Variants in DNA2 observed in about 807,000 individuals in gnomAD.
DNA2 encodes the protein DNA replication ATP-dependent helicase/nuclease DNA2.
DNA2 carries 101 observed loss-of-function variants against 119.1 expected under a neutral mutation model. That is an observed-to-expected ratio of 0.85 (90% CI 0.72 to 1.00). The LOEUF (loss-of-function observed/expected upper bound fraction) is 1.00, where lower values mean the gene tolerates loss of function less well. Among genes scored for constraint, DNA2 ranks in the 50% least tolerant of loss-of-function variants. The pLI is 0.00. For synonymous variants in DNA2, 366 were observed against 424.4 expected (o/e 0.86, Z 1.69); for missense variants, 1,121 against 1,255.5 (o/e 0.89, Z 1.62).
At chr10:68,415,145 G>T in intron 20 of DNA2, 38 bp from the exon 21 acceptor site, 1 of 1,258,812 alleles carries the variant, frequency 7.9e-7, no homozygotes, top group Non-Finnish European at 1.1e-6. Context: ...AGCACAATAT[G>T]GAATGGCATA....
chr10:68,420,260 C>T (rs1050989519), intron 17 of DNA2, among the ~76,000 whole-genome samples: 5 of 152,306 alleles, frequency 3.3e-5, no homozygotes, highest in South Asian at 4.1e-4. Context: ...TTAGGGTGGC[C>T]GGGCGCGGTG....
intron 14 of DNA2, chr10:68,424,693 G>A (rs2051713099): frequency 1.9e-6 from 3 of 1,605,916 alleles, no homozygotes; most frequent in South Asian, 1.1e-5. Context: ...TACAATGTCC[G>A]CTCCACACCC....
At chr10:68,455,248 A>T (rs922267808) in intron 5 of DNA2, among the ~76,000 whole-genome samples, 1 of 152,038 alleles carries the variant, frequency 6.6e-6, no homozygotes, top group Non-Finnish European at 1.5e-5. Flanking sequence ...GATAAAATTA[A>T]CTTTCTTAGT....
Position 68,450,232 on chromosome 10 carries a change from A to C in DNA2, c.735T>G (p.Ser245Arg), listed in dbSNP as rs2052101055. The C allele has an allele frequency of 6.4e-7, 1 of 1,573,248 alleles. No homozygotes were observed. Among genetic ancestry groups the C allele is most frequent in the Admixed American group, 1.9e-5 (1 of 52,934 alleles). The change falls in exon 6 of 21, where the codon AGT becomes AGG. Residue 245 changes from serine to arginine, a missense_variant. Transcript: ENST00000358410. ...CAATGTTACATGTTGAATTATCCTT[A>C]CTATTATCACTTGGCCTGAAAAAAA... ...QMQLSLPSDN[S>R]KDNSTCNIEV...
intron 3 of DNA2, among the ~76,000 whole-genome samples, chr10:68,467,623 T>C (rs2052342657): frequency 6.6e-6 from 1 of 152,156 alleles, no homozygotes; most frequent in Non-Finnish European, 1.5e-5. Context: ...TGATCTCGGC[T>C]CACTGCAACC....
At chr10:68,433,521 A>C (rs1026490358) in intron 10 of DNA2, among the ~76,000 whole-genome samples, 1 of 152,178 alleles carries the variant, frequency 6.6e-6, no homozygotes, top group African/African-American at 2.4e-5. Context: ...TCAATAGAAT[A>C]AATAAAATCT....
chr10:68,427,605 C>T (rs1297586169), intron 14 of DNA2, among the ~76,000 whole-genome samples: 1 of 151,364 alleles, frequency 6.6e-6, no homozygotes, highest in Non-Finnish European at 1.5e-5. Context: ...GGCGTGGTCT[C>T]ACCAGTGCAC....
intron 5 of DNA2, 91 bp from the exon 6 acceptor site, chr10:68,450,338 T>C (rs528447375): frequency 9.0e-6 from 9 of 1,001,442 alleles, no homozygotes; most frequent in Middle Eastern, 3.1e-4. Context: ...ACACAGAGAA[T>C]GTGGGGAGGG....
chr10:68,437,775 GTTTT>G (rs1307943564), intron 9 of DNA2, among the ~76,000 whole-genome samples: 3 of 151,894 alleles, frequency 2.0e-5, no homozygotes, highest in Admixed American at 1.3e-4. Context: ...AGTTTCTGGG[GTTTT>G]TTGAGACACC....
At chr10:68,436,957 G>T in intron 10 of DNA2, 54 bp downstream of exon 10, 3 of 1,356,982 alleles carry the variant, frequency 2.2e-6, no homozygotes, top group Non-Finnish European at 3.1e-6. Context: ...GAACTACACA[G>T]ATGTGAATTA....
intron 5 of DNA2, among the ~76,000 whole-genome samples, chr10:68,455,045 T>C (rs1420062048): frequency 6.6e-6 from 1 of 150,632 alleles, no homozygotes; most frequent in Admixed American, 6.6e-5. Context: ...TTCAAGCGAT[T>C]CTCCTGCCTC....
chr10:68,456,366 A>G (rs2052182359), intron 5 of DNA2, among the ~76,000 whole-genome samples: 1 of 152,210 alleles, frequency 6.6e-6, no homozygotes, highest in African/African-American at 2.4e-5. Flanking sequence ...ACCACAGGGA[A>G]TAGGTCCAAA....
At chr10:68,471,447 A>G (rs754007365) in intron 1 of DNA2, among the ~76,000 whole-genome samples, 8 of 152,222 alleles carry the variant, frequency 5.3e-5, no homozygotes, top group Non-Finnish European at 7.3e-5. Context: ...TCCCCCAAGG[A>G]TAAGTTAATC....
intron 13 of DNA2, among the ~76,000 whole-genome samples, chr10:68,431,618 A>C (rs149459205): frequency 6.6e-6 from 1 of 152,348 alleles, no homozygotes; most frequent in East Asian, 1.9e-4. Context: ...AGGAAAACAT[A>C]TAGTGATAAA....
rs34191745 is a variant in DNA2 at position 68,450,250 on chromosome 10, G to GAAAA, written c.720-7_720-4dup. On this transcript the variant is annotated splice_polypyrimidine_tract_variant and splice_region_variant and intron_variant, in intron 5 of 20. Coordinates refer to ENST00000358410, the MANE Select transcript of DNA2 (RefSeq NM_001080449.3). ...TATCCTTACTATTATCACTTGGCCT[G>GAAAA]AAAAAAAAAAAAGCACAAAAACACT... 6 of 1,252,264 alleles carry GAAAA rather than the reference G, an allele frequency of 4.8e-6. No individual in the cohort carries two copies. In the African/African-American group the frequency reaches 9.4e-5, roughly 20 times the overall value. 77.6% of individuals were successfully genotyped at this position (1,252,264 alleles called of 1,614,324 possible).
chr10:68,440,939 G>A (rs2051959211), intron 9 of DNA2, among the ~76,000 whole-genome samples: 1 of 152,132 alleles, frequency 6.6e-6, no homozygotes, highest in Non-Finnish European at 1.5e-5. Flanking sequence ...TCAACACTTT[G>A]GGAGGCCAAA....
intron 19 of DNA2, among the ~76,000 whole-genome samples, chr10:68,418,411 CAAAAA>C (rs754294447): frequency 1.8e-5 from 1 of 54,344 alleles, no homozygotes; most frequent in Admixed American, 2.1e-4. Context: ...AACGCCGTCT[CAAAAA>C]AAAAAAAAAA....
At chr10:68,435,745 C>T (rs919910635) in intron 10 of DNA2, among the ~76,000 whole-genome samples, 24 of 152,174 alleles carry the variant, frequency 1.6e-4, no homozygotes, top group African/African-American at 5.3e-4. Context: ...TGAGCCACCA[C>T]GCCCCGCCTA....
intron 9 of DNA2, among the ~76,000 whole-genome samples, chr10:68,440,533 G>A (rs553790107): frequency 1.3e-5 from 2 of 151,762 alleles, no homozygotes; most frequent in African/African-American, 4.8e-5. Flanking sequence ...TCCTGACCTC[G>A]TGATCCACCC....
Sources: allele counts gnomAD v4.1 joint callset (sites outside exome capture counted in the v4.1 genomes callset), GRCh38; gene constraint gnomAD v4.1.1; transcripts MANE v1.5; gene names NCBI Gene and HGNC (gene_info 2026-07-23, HGNC 2026-07-21).